Variants in HNRNPLL observed in about 807,000 individuals in gnomAD.
HNRNPLL encodes heterogeneous nuclear ribonucleoprotein L like.
A neutral mutation model predicts 67.1 loss-of-function variants in HNRNPLL; 25 were observed. The ratio of observed to expected loss-of-function variants is 0.37; its 90% CI spans 0.27 to 0.52. The LOEUF is 0.52. HNRNPLL is among the 20% of genes least tolerant of loss of function. The pLI, the probability that HNRNPLL is intolerant of heterozygous loss-of-function variation, is 0.90. For synonymous variants in HNRNPLL, 267 were observed against 241.7 expected, an observed-to-expected ratio of 1.10 and a Z score of -0.97; for missense variants, 542 against 673.9, an observed-to-expected ratio of 0.80 and a Z score of 2.17.
intron 6 of HNRNPLL, among the ~76,000 whole-genome samples, chr2:38,580,619 AT>A (rs1242940962): frequency 6.6e-6 from 1 of 152,198 alleles, no homozygotes; most frequent in Non-Finnish European, 1.5e-5. Flanking sequence ...AAACACTGAT[AT>A]TGTAGTTAAG....
chr2:38,574,121 T>C (rs1666204971), intron 7 of HNRNPLL, among the ~76,000 whole-genome samples: 1 of 151,940 alleles, frequency 6.6e-6, no homozygotes, highest in Non-Finnish European at 1.5e-5. Context: ...CTATGTCTCT[T>C]ACATTGAGAA....
In HNRNPLL at chr2:38,562,904, C is replaced by G. The variant is rs1311534711; in HGVS notation, c.*1278G>C. 1 of 151,938 alleles carries G rather than the reference C, an allele frequency of 6.6e-6. No individual in the cohort carries two copies. Among genetic ancestry groups the G allele is most frequent in the East Asian group, 1.9e-4 (1 of 5,200 alleles). 9.4% of individuals were successfully genotyped at this position (151,938 alleles called of 1,614,324 possible). A position where few individuals can be genotyped will look rare whatever the true frequency, so the allele number is the denominator to read the frequency against. On this transcript the variant is annotated 3_prime_UTR_variant, in exon 13 of 13. Coordinates refer to ENST00000449105, the MANE Select transcript of HNRNPLL (RefSeq NM_138394.4). The stretch of plus-strand genomic sequence containing the variant: ...ATTAAAATTTAAAATAAAGTCTTTA[C>G]AAAAGATCTAAATGGAACTTTCATT...
At chr2:38,589,803 C>G (rs1011985889) in intron 2 of HNRNPLL, among the ~76,000 whole-genome samples, 1 of 152,092 alleles carries the variant, frequency 6.6e-6, no homozygotes, top group African/African-American at 2.4e-5. Context: ...TTTATATTTG[C>G]TCATCAACTT....
intron 1 of HNRNPLL, among the ~76,000 whole-genome samples, chr2:38,600,710 TG>T: frequency 6.6e-6 from 1 of 150,492 alleles, no homozygotes; most frequent in East Asian, 2.0e-4. Flanking sequence ...ACTCCAGAGC[TG>T]CTGCACTCCA....
intron 1 of HNRNPLL, among the ~76,000 whole-genome samples, chr2:38,600,338 A>G (rs1667377302): frequency 6.6e-6 from 1 of 152,194 alleles, no homozygotes; most frequent in Admixed American, 6.5e-5. Context: ...TCACTTAACT[A>G]TAGCTTCGGT....
chr2:38,590,540 C>A (rs1031681379), intron 2 of HNRNPLL, among the ~76,000 whole-genome samples: 1 of 152,166 alleles, frequency 6.6e-6, no homozygotes, highest in Admixed American at 6.5e-5. Flanking sequence ...AACAGCCGGG[C>A]ATACTCCAAA....
intron 8 of HNRNPLL, 84 bp from the exon 9 acceptor site, chr2:38,570,009 G>C: frequency 1.1e-6 from 1 of 910,530 alleles, no homozygotes; most frequent in Non-Finnish European, 1.7e-6. Flanking sequence ...CGACCTAAGT[G>C]GTTAAAGTAA....
chr2:38,588,633 G>C (rs566630345), intron 2 of HNRNPLL, among the ~76,000 whole-genome samples: 1 of 146,050 alleles, frequency 6.8e-6, no homozygotes, highest in African/African-American at 2.6e-5. Flanking sequence ...TGAAGATAAA[G>C]AAAAAATTAA....
chr2:38,570,507 G>T (rs1666034511), intron 8 of HNRNPLL, among the ~76,000 whole-genome samples: 1 of 152,210 alleles, frequency 6.6e-6, no homozygotes, highest in South Asian at 2.1e-4. Context: ...ATGGTCACAG[G>T]AAGGCTTGTG....
chr2:38,569,977 A>G, intron 8 of HNRNPLL, 52 bp from the exon 9 acceptor site: 3 of 1,387,560 alleles, frequency 2.2e-6, no homozygotes, highest in Non-Finnish European at 3.0e-6. Context: ...TTTTACAGTA[A>G]AAGAAATTTT....
In HNRNPLL at chr2:38,563,158, T is replaced by C. The variant is rs894012877; in HGVS notation, c.*1024A>G. 10 of 151,686 alleles carry C rather than the reference T, an allele frequency of 6.6e-5. No individual in the cohort carries two copies. The highest frequency in any genetic ancestry group is 1.5e-4 in the Non-Finnish European group (10 of 67,844). The allele number at this position is 151,686 out of a possible 1,614,324, so 9.4% of individuals were successfully genotyped here. On this transcript the variant is annotated 3_prime_UTR_variant, in exon 13 of 13. Coordinates refer to ENST00000449105, the MANE Select transcript of HNRNPLL (RefSeq NM_138394.4). ...TTACTTGCCTATGTATAAAATCTAT[T>C]ATCTTAAAAAGAAAAAAAAAACAGA...
At chr2:38,567,063 A>G (rs1252278809) in intron 12 of HNRNPLL, among the ~76,000 whole-genome samples, 1 of 152,044 alleles carries the variant, frequency 6.6e-6, no homozygotes, top group Non-Finnish European at 1.5e-5. Context: ...AAGTGAAAAC[A>G]GCAAGACACA....
chr2:38,591,510 G>C lies in HNRNPLL; in HGVS notation c.308+20C>G, dbSNP rs777869748. 8.4e-7 allele frequency: 1 copy of C among 1,195,752 alleles called. No homozygotes were observed. Among genetic ancestry groups the C allele is most frequent in the African/African-American group, 1.5e-5 (1 of 66,786 alleles). The allele number at this position is 1,195,752 out of a possible 1,614,324, so 74.1% of individuals were successfully genotyped here. A position where few individuals can be genotyped will look rare whatever the true frequency, so the allele number is the denominator to read the frequency against. Reference sequence around the variant, plus strand: ...TTCTACCACAGTTTTCAATCTACATGAAGTCCCTATCATCCTTACCATATT... The same window carrying C: ...TTCTACCACAGTTTTCAATCTACATCAAGTCCCTATCATCCTTACCATATT... On this transcript the variant is annotated intron_variant, in intron 2 of 12. Coordinates refer to ENST00000449105, the MANE Select transcript of HNRNPLL (RefSeq NM_138394.4).
intron 12 of HNRNPLL, chr2:38,566,189 G>A (rs1018225277): frequency 6.5e-6 from 3 of 463,504 alleles, no homozygotes; most frequent in Admixed American, 6.4e-5. Context: ...CCAACGTGGT[G>A]AAACCCCGTC....
At chr2:38,589,807 T>C (rs1666891324) in intron 2 of HNRNPLL, among the ~76,000 whole-genome samples, 1 of 152,212 alleles carries the variant, frequency 6.6e-6, no homozygotes, top group Non-Finnish European at 1.5e-5. Flanking sequence ...TATTTGCTCA[T>C]CAACTTGTTT....
At chr2:38,584,901 C>A (rs374373874) in intron 3 of HNRNPLL, among the ~76,000 whole-genome samples, 2 of 151,628 alleles carry the variant, frequency 1.3e-5, no homozygotes, top group East Asian at 3.9e-4. Context: ...TTCCCAACAC[C>A]GAATATTATA....
At chr2:38,591,448 C>G (rs1666953803) in intron 2 of HNRNPLL, 82 bp downstream of exon 2, 4 of 797,606 alleles carry the variant, frequency 5.0e-6, no homozygotes, top group African/African-American at 1.7e-5. Flanking sequence ...ATTTACTATG[C>G]TAAACATCAA....
rs912111626 is a variant in HNRNPLL, at chr2:38,563,947, T to A, written c.*235A>T. 14 of 414,988 alleles carry A rather than the reference T, an allele frequency of 3.4e-5. No homozygotes were observed. The highest frequency in any genetic ancestry group is 4.7e-5 in the Non-Finnish European group (11 of 232,840). The allele number at this position is 414,988 out of a possible 1,614,324, so 25.7% of individuals were successfully genotyped here. On this transcript the variant is annotated 3_prime_UTR_variant, in exon 13 of 13. Transcript: ENST00000449105. ...TAAGGTTAGAAATCATATATCTGTA[T>A]AATCTACAATGAAGCTGTAGATAGT...
intron 4 of HNRNPLL, 78 bp downstream of exon 4, chr2:38,583,763 T>C (rs1177380691): frequency 3.2e-6 from 2 of 622,660 alleles, no homozygotes; most frequent in African/African-American, 3.8e-5. Flanking sequence ...AAACACCACT[T>C]GTCTAGAAAT....
Sources: gnomAD v4.1 joint callset for allele counts (sites outside exome capture counted in the v4.1 genomes callset) on GRCh38, gnomAD v4.1.1 for gene constraint, MANE v1.5 for transcripts, NCBI Gene and HGNC (gene_info 2026-07-23, HGNC 2026-07-21) for gene names.